MYO15B: variants seen among roughly 807,000 people sequenced by gnomAD.
MYO15B encodes the protein myosin XVB pseudogene.
Under a neutral mutation model 119.3 loss-of-function variants are expected in MYO15B, and 207 were observed. That is an observed-to-expected ratio of 1.73 (90% CI 1.55 to 1.95). MYO15B has a LOEUF of 1.95. Ranked by LOEUF, MYO15B falls within the 30% of genes most tolerant of loss-of-function variation. The pLI, the probability that MYO15B is intolerant of heterozygous loss-of-function variation, is 0.00. For synonymous variants in MYO15B, 966 were observed against 498.9 expected, an observed-to-expected ratio of 1.94 and a Z score of -12.48; for missense variants, 2,264 against 1,203.1, an observed-to-expected ratio of 1.88 and a Z score of -13.04.
chr17:75,591,491 G>A, intron 4 of MYO15B, 110 bp from the exon 5 acceptor site: 1 of 666,178 alleles, frequency 1.5e-6, no homozygotes, highest in Non-Finnish European at 2.7e-6. Flanking sequence ...ATTTATGGGG[G>A]TCTCTCCAGG....
chr17:75,620,567 G>A (rs779482381), exon 49 of MYO15B: 7 of 702,906 alleles, frequency 1.0e-5, no homozygotes, highest in South Asian at 7.4e-5. Context: ...AGGAGCAGAG[G>A]AGTGGCTGGC....
At chr17:75,615,418 G>A in intron 34 of MYO15B, 80 bp downstream of exon 34, 1 of 680,430 alleles carries the variant, frequency 1.5e-6, no homozygotes, top group Non-Finnish European at 2.7e-6. Context: ...GGAGGGTCCT[G>A]CTAGGAGTCC....
At chr17:75,587,880 C>T (rs558150387) in exon 1 of MYO15B, among the ~76,000 whole-genome samples, 1 of 152,396 alleles carries the variant, frequency 6.6e-6, no homozygotes, top group African/African-American at 2.4e-5. Context: ...GGTCAGGACC[C>T]GCCGCCTTCT....
intron 16 of MYO15B, 34 bp downstream of exon 16, chr17:75,602,628 C>T (rs2057356970): frequency 1.6e-6 from 1 of 640,090 alleles, no homozygotes; most frequent in Admixed American, 2.4e-5. Flanking sequence ...CCCACCCGCT[C>T]CATACTCTGT....
exon 1 of MYO15B, chr17:75,588,555 G>C: frequency 2.5e-6 from 1 of 398,794 alleles, no homozygotes; most frequent in Non-Finnish European, 4.4e-6. Flanking sequence ...AAACCCGCGA[G>C]GCCCAGGAGA....
intron 14 of MYO15B, among the ~76,000 whole-genome samples, chr17:75,598,374 C>T (rs553295662): frequency 2.6e-5 from 4 of 151,776 alleles, no homozygotes; most frequent in Middle Eastern, 3.4e-3. Context: ...GTCAGCAGAT[C>T]GAGACCATCC....
chr17:75,619,811 C>G lies in MYO15B; in HGVS notation c.7301+12C>G, dbSNP rs1450075540. On this transcript the variant is annotated intron_variant, in intron 46 of 63. Transcript: ENST00000645453. ...CTCTGCTCATACAGGTGCGCTAGCC[C>G]ACGACCCTGGGCTAGAGGTGGGGGC... 4.3e-6 allele frequency: 3 copies of G among 702,806 alleles called. No individual in the cohort carries two copies. The highest frequency in any genetic ancestry group is 7.8e-6 in the Non-Finnish European group (3 of 384,888). The allele number at this position is 702,806 out of a possible 1,614,324, so 43.5% of individuals were successfully genotyped here.
At position 75,603,088 on chromosome 17, in the gene MYO15B, C is replaced by T. The variant is rs1422870400; in HGVS notation, c.3891+11C>T. 2.8e-6 allele frequency: 2 copies of T among 703,204 alleles called. No individual in the cohort carries two copies. Among genetic ancestry groups the T allele is most frequent in the Non-Finnish European group, 5.2e-6 (2 of 385,070 alleles). The allele number at this position is 703,204 out of a possible 1,614,324, so 43.6% of individuals were successfully genotyped here. ...CCTAACCCTGGAAAGGTGAGCTCCC[C>T]AGCAACTGGCCTCAGGGCCCTCCCC... is the stretch of plus-strand genomic sequence containing the variant. On this transcript the variant is annotated intron_variant, in intron 18 of 63. Coordinates refer to ENST00000645453, the Ensembl canonical transcript of MYO15B.
At chr17:75,623,651 T>C in intron 53 of MYO15B, 130 bp from the exon 54 acceptor site, 1 of 638,526 alleles carries the variant, frequency 1.6e-6, no homozygotes, top group Non-Finnish European at 2.8e-6. Context: ...GCCAGTGCAG[T>C]GATGTCTTAA....
At chr17:75,608,363 C>T (rs2057787118) in intron 21 of MYO15B, among the ~76,000 whole-genome samples, 1 of 151,962 alleles carries the variant, frequency 6.6e-6, no homozygotes, top group Non-Finnish European at 1.5e-5. Context: ...AGGTGATCCA[C>T]CTCAGGTGAT....
In MYO15B at chr17:75,625,201, C is replaced by T; in HGVS notation, c.8767C>T (p.Gln2923Ter). The T allele has an allele frequency of 1.4e-6, 1 of 702,544 alleles. No individual in the cohort carries two copies. The highest frequency in any genetic ancestry group is 2.6e-6 in the Non-Finnish European group (1 of 384,724). 43.5% of individuals were successfully genotyped at this position (702,544 alleles called of 1,614,324 possible). A position where few individuals can be genotyped will look rare whatever the true frequency, so the allele number is the denominator to read the frequency against. The stretch of plus-strand genomic sequence containing the variant: ...GCAGCTCGCCAGGCTGGCCGCCCTG[C>T]AGCACCTCAGCAAGGCCAACAGGAA... The change falls in exon 60 of 64, where the codon CAG becomes TAG. Residue 2923 changes from glutamine to a stop codon, truncating the protein, a stop_gained. Coordinates refer to ENST00000645453, the Ensembl canonical transcript of MYO15B. LOFTEE classifies it high-confidence loss of function.
intron 14 of MYO15B, among the ~76,000 whole-genome samples, chr17:75,600,011 T>G (rs2057144959): frequency 6.7e-6 from 1 of 149,918 alleles, no homozygotes; most frequent in Admixed American, 6.7e-5. Context: ...CATCTCTATT[T>G]CTTTTTTTTT....
Position 75,616,794 on chromosome 17 carries a change from C to G in MYO15B, c.6506+9C>G, listed in dbSNP as rs1352885438. ...CCCGTGCAGCCATCCAGGTGGGCCC[C>G]CACGGGGAGGTGGCCAGGGCTGTCC... is the stretch of plus-strand genomic sequence containing the variant. On this transcript the variant is annotated intron_variant, in intron 39 of 63. Coordinates refer to ENST00000645453, the Ensembl canonical transcript of MYO15B. 1.4e-5 allele frequency: 10 copies of G among 702,898 alleles called. No homozygotes were observed. Among genetic ancestry groups the G allele is most frequent in the Non-Finnish European group, 2.3e-5 (9 of 385,004 alleles). 43.5% of individuals were successfully genotyped at this position (702,898 alleles called of 1,614,324 possible). A position where few individuals can be genotyped will look rare whatever the true frequency, so the allele number is the denominator to read the frequency against.
At chr17:75,598,601 C>T (rs993065948) in intron 14 of MYO15B, among the ~76,000 whole-genome samples, 16 of 151,240 alleles carry the variant, frequency 1.1e-4, no homozygotes, top group African/African-American at 3.2e-4. Flanking sequence ...TGTAATAGTT[C>T]GTTGATCACT....
chr17:75,614,817 A>T (rs886120437), exon 32 of MYO15B: 1 of 702,776 alleles, frequency 1.4e-6, no homozygotes, highest in South Asian at 1.5e-5. Flanking sequence ...CCTGGACCAG[A>T]TCTTCCAGCC....
At chr17:75,591,091 G>A in intron 3 of MYO15B, 75 bp downstream of exon 3, 1 of 696,202 alleles carries the variant, frequency 1.4e-6, no homozygotes, top group Admixed American at 2.0e-5. Context: ...CTTGACTGAG[G>A]TCCCGGGGCC....
chr17:75,589,475 G>C lies in MYO15B; in HGVS notation c.1418G>C (p.Arg473Thr). 2.5e-6 allele frequency: 1 copy of C among 395,748 alleles called. No individual in the cohort carries two copies. The highest frequency in any genetic ancestry group is 4.5e-6 in the Non-Finnish European group (1 of 224,696). 24.5% of individuals were successfully genotyped at this position (395,748 alleles called of 1,614,324 possible). The change falls in exon 1 of 64, where the codon AGA becomes ACA. Residue 473 changes from arginine (R) to threonine (T), a missense_variant. Arg to Thr is a moderately conservative substitution (Grantham distance 71). Coordinates refer to ENST00000645453, the Ensembl canonical transcript of MYO15B. This position sits in a 1 kb window ranked among gnomAD's most constrained non-coding sequence, Gnocchi z 4.2. ...GCGGACGAGGGGCGGGGTCACGAGAGAGGTGACGAGGGCCGGGACCACCAG... is the reference window on the plus strand; with the variant it reads ...GCGGACGAGGGGCGGGGTCACGAGACAGGTGACGAGGGCCGGGACCACCAG...
At chr17:75,596,744 T>C (rs550134231) in intron 13 of MYO15B, 24 bp from the exon 14 acceptor site, 151 of 691,686 alleles carry the variant, frequency 2.2e-4, no homozygotes, top group Non-Finnish European at 3.8e-4. Flanking sequence ...TCCTGCAAAA[T>C]GGCCAAATGC....
intron 21 of MYO15B, among the ~76,000 whole-genome samples, chr17:75,607,939 C>G (rs765185624): frequency 6.6e-6 from 1 of 152,156 alleles, no homozygotes; most frequent in South Asian, 2.1e-4. Flanking sequence ...TCTCTACATC[C>G]TTGCCAGTAC....
Sources: allele counts gnomAD v4.1 joint callset (sites outside exome capture counted in the v4.1 genomes callset), GRCh38; gene constraint gnomAD v4.1.1; non-coding constraint Gnocchi (gnomAD v3.1); transcripts MANE v1.5; gene names NCBI Gene and HGNC (gene_info 2026-07-23, HGNC 2026-07-21).